The following SLC39A9 variants were observed in gnomAD, a reference collection of about 807,000 sequenced individuals.
SLC39A9 encodes the protein solute carrier family 39 member 9.
SLC39A9 carries 14 observed loss-of-function variants against 28.4 expected under a neutral mutation model. The ratio of observed to expected loss-of-function variants is 0.49; its 90% CI spans 0.33 to 0.77. SLC39A9 has a LOEUF of 0.77. SLC39A9 is among the 30% of genes least tolerant of loss of function. SLC39A9 has a pLI of 0.02. For synonymous variants in SLC39A9, 119 were observed against 149.6 expected (o/e 0.80, Z 1.49); for missense variants, 283 against 381.1 (o/e 0.74, Z 2.14).
At chr14:69,418,485 C>T (rs1429236124) in intron 1 of SLC39A9, among the ~76,000 whole-genome samples, 1 of 151,980 alleles carries the variant, frequency 6.6e-6, no homozygotes, top group Non-Finnish European at 1.5e-5. Flanking sequence ...TGATGCTGGC[C>T]TCATAAAATG....
intron 2 of SLC39A9, among the ~76,000 whole-genome samples, chr14:69,436,479 C>A (rs1013889743): frequency 1.3e-5 from 2 of 152,172 alleles, no homozygotes; most frequent in Non-Finnish European, 2.9e-5. Context: ...CCGTCAAAAT[C>A]TCTGGAGAAT....
chr14:69,458,975 T>G lies in SLC39A9; in HGVS notation c.*382T>G. 1.0e-6 allele frequency: 1 copy of G among 999,262 alleles called. No homozygotes were observed. The highest frequency in any genetic ancestry group is 1.2e-6 in the Non-Finnish European group (1 of 837,856). The allele number at this position is 999,262 out of a possible 1,614,324, so 61.9% of individuals were successfully genotyped here. A position where few individuals can be genotyped will look rare whatever the true frequency, so the allele number is the denominator to read the frequency against. Reference sequence around the variant, plus strand: ...GTTCTGTAATTAAGCTATGTCTCTTTCTTCTTAGTTTAGAGGCTCTGCTAC... The same window carrying G: ...GTTCTGTAATTAAGCTATGTCTCTTGCTTCTTAGTTTAGAGGCTCTGCTAC... On this transcript the variant is annotated 3_prime_UTR_variant, in exon 7 of 7. Coordinates refer to ENST00000336643, the MANE Select transcript of SLC39A9 (RefSeq NM_018375.5).
chr14:69,439,516 C>T (rs1005447680), intron 2 of SLC39A9, among the ~76,000 whole-genome samples: 3 of 152,060 alleles, frequency 2.0e-5, no homozygotes, highest in South Asian at 2.1e-4. Context: ...TTAAAATATC[C>T]GTAGTACCCA....
chr14:69,418,899 T>C (rs571098757), intron 1 of SLC39A9, among the ~76,000 whole-genome samples: 18 of 152,322 alleles, frequency 1.2e-4, no homozygotes, highest in Non-Finnish European at 2.4e-4. Flanking sequence ...TCATCTCTCT[T>C]CTTTATTAGT....
intron 2 of SLC39A9, among the ~76,000 whole-genome samples, chr14:69,433,892 C>T (rs1365584002): frequency 6.6e-6 from 1 of 152,054 alleles, no homozygotes; most frequent in Admixed American, 6.6e-5. Flanking sequence ...TCAAGTGATT[C>T]CAATGCCTCA....
chr14:69,400,715 G>T (rs1193550204), intron 1 of SLC39A9, among the ~76,000 whole-genome samples: 1 of 152,198 alleles, frequency 6.6e-6, no homozygotes, highest in East Asian at 1.9e-4. Flanking sequence ...ACAAGGTGTT[G>T]TCAGTTTGAG....
At chr14:69,416,945 T>C (rs1380841720) in intron 1 of SLC39A9, among the ~76,000 whole-genome samples, 15 of 152,254 alleles carry the variant, frequency 9.9e-5, no homozygotes, top group Non-Finnish European at 1.9e-4. Flanking sequence ...GATGGTAGTT[T>C]CTTTTGCCGT....
At chr14:69,409,219 G>GT (rs1251315570) in intron 1 of SLC39A9, among the ~76,000 whole-genome samples, 1 of 151,890 alleles carries the variant, frequency 6.6e-6, no homozygotes, top group African/African-American at 2.4e-5. Context: ...TTTTCTATTT[G>GT]TTTGCATTTT....
chr14:69,398,659 G>T (rs775145521), upstream of SLC39A9: 1 of 260,206 alleles, frequency 3.8e-6, no homozygotes, highest in Admixed American at 5.2e-5. Flanking sequence ...TGTAAAGGAG[G>T]GGGTGGTTAG....
At chr14:69,434,634 G>A (rs1469647735) in intron 2 of SLC39A9, among the ~76,000 whole-genome samples, 3 of 152,170 alleles carry the variant, frequency 2.0e-5, no homozygotes, top group Admixed American at 6.5e-5. Flanking sequence ...TGATTATGCC[G>A]CTGCACTCTA....
At position 69,458,474 on chromosome 14, in the gene SLC39A9, A is replaced by G. The variant is rs765915763; in HGVS notation, c.805A>G (p.Ile269Val). 2 of 1,614,250 alleles carry G rather than the reference A, an allele frequency of 1.2e-6. No homozygotes were observed. The highest frequency in any genetic ancestry group is 1.1e-5 in the South Asian group (1 of 91,088). Reference sequence around the variant, plus strand: ...ACATGTCCTCCCTGAGGTGGGCGGAATAGGGCACAGCCACAAGCCCGATGC... The same window carrying G: ...ACATGTCCTCCCTGAGGTGGGCGGAGTAGGGCACAGCCACAAGCCCGATGC... ...TVHVLPEVGG[I>V]GHSHKPDATG... The change falls in exon 7 of 7, where the codon ATA becomes GTA. Residue 269 changes from isoleucine (I) to valine (V), a missense_variant. Coordinates refer to ENST00000336643, the MANE Select transcript of SLC39A9 (RefSeq NM_018375.5).
Sources: gnomAD v4.1 joint callset for allele counts (sites outside exome capture counted in the v4.1 genomes callset) on GRCh38, gnomAD v4.1.1 for gene constraint, MANE v1.5 for transcripts, NCBI Gene and HGNC (gene_info 2026-07-23, HGNC 2026-07-21) for gene names.